ADAM19: variants seen among roughly 807,000 people sequenced by gnomAD.
The protein encoded by ADAM19 is disintegrin and metalloproteinase domain-containing protein 19.
Under a neutral mutation model 114.7 loss-of-function variants are expected in ADAM19, and 65 were observed. That is an observed-to-expected ratio of 0.57 (90% CI 0.46 to 0.70). The LOEUF (loss-of-function observed/expected upper bound fraction) is 0.70. Ranked by LOEUF, ADAM19 falls within the 30% of genes least tolerant of loss-of-function variation. The probability of loss-of-function intolerance (pLI) is 0.00; values close to 1 mark genes in which losing one functional copy is unlikely to be tolerated. For synonymous variants in ADAM19, 466 were observed against 460.5 expected (o/e 1.01, Z -0.15); for missense variants, 1,063 against 1,204.7 (o/e 0.88, Z 1.74).
At chr5:157,560,125 C>T (rs908591958) in intron 3 of ADAM19, among the ~76,000 whole-genome samples, 2 of 151,000 alleles carry the variant, frequency 1.3e-5, no homozygotes, top group Non-Finnish European at 3.0e-5. Flanking sequence ...ATTAGCCGGG[C>T]GTAGTGGCGG....
chr5:157,570,653 G>C, intron 2 of ADAM19: 3 of 433,720 alleles, frequency 6.9e-6, no homozygotes, highest in Non-Finnish European at 1.2e-5. Flanking sequence ...TCTGCACTTA[G>C]CTTGTGTCAG....
In ADAM19 at chr5:157,477,803, T is replaced by C. The variant is rs1754636090; in HGVS notation, c.*3146A>G. On this transcript the variant is annotated 3_prime_UTR_variant, in exon 23 of 23. Coordinates refer to ENST00000257527, the MANE Select transcript of ADAM19 (RefSeq NM_033274.5). ...TCCAATAAAGATTGGAAAGGCGTAT[T>C]GCAGGAGGTGGGGAGGGGCTATTGC... 8 of 1,134,032 alleles carry C rather than the reference T, an allele frequency of 7.1e-6. No individual in the cohort carries two copies. In the Admixed American group the frequency reaches 1.4e-4, roughly 20 times the overall value. The allele number at this position is 1,134,032 out of a possible 1,614,324, so 70.2% of individuals were successfully genotyped here.
intron 14 of ADAM19, 62 bp downstream of exon 14, chr5:157,496,832 C>G (rs749489567): frequency 6.9e-7 from 1 of 1,448,160 alleles, no homozygotes; most frequent in Non-Finnish European, 9.1e-7. Flanking sequence ...CCCTGAGGGC[C>G]AGGGGAGGCT....
intron 8 of ADAM19, among the ~76,000 whole-genome samples, chr5:157,511,516 A>G (rs1755921355): frequency 6.6e-6 from 1 of 152,214 alleles, no homozygotes; most frequent in Non-Finnish European, 1.5e-5. Context: ...CTCCAGATTC[A>G]GTGAAATATC....
At chr5:157,503,957 G>A (rs944974482) in intron 11 of ADAM19, among the ~76,000 whole-genome samples, 2 of 152,216 alleles carry the variant, frequency 1.3e-5, no homozygotes, top group Non-Finnish European at 2.9e-5. Flanking sequence ...TACAAAAGGA[G>A]AGTTATCCTG....
At chr5:157,523,336 G>T (rs1281475522) in intron 5 of ADAM19, among the ~76,000 whole-genome samples, 2 of 152,182 alleles carry the variant, frequency 1.3e-5, no homozygotes, top group Non-Finnish European at 2.9e-5. Flanking sequence ...TGTGGATATG[G>T]TTTATTTGTC....
chr5:157,572,928 T>G (rs1244531857), intron 1 of ADAM19, among the ~76,000 whole-genome samples: 1 of 152,136 alleles, frequency 6.6e-6, no homozygotes, highest in Non-Finnish European at 1.5e-5. Flanking sequence ...CGCATGCCTG[T>G]AATCCCAGCT....
chr5:157,493,014 G>A lies in ADAM19; in HGVS notation c.1867C>T (p.Pro623Ser). 2 of 1,614,202 alleles carry A rather than the reference G, an allele frequency of 1.2e-6. No homozygotes were observed. The highest frequency in any genetic ancestry group is 1.7e-6 in the Non-Finnish European group (2 of 1,180,032). Residue 623 changes from proline (P) to serine (S), a missense_variant, in exon 16 of 23, where the codon CCA becomes TCA. Physicochemically the swap from Pro to Ser is moderately conservative, Grantham distance 74 (BLOSUM62 -1). Transcript: ENST00000257527. ...GPEEEGDMLD[P>S]GLVMTGTKCG... is the part of the protein sequence containing the mutation. ...TTGGTTCCAGTCATCACCAGCCCTG[G>A]GTCCAGCATGTCACCCTCCTCCTCA...
intron 14 of ADAM19, 137 bp downstream of exon 14, chr5:157,496,757 C>A: frequency 1.4e-6 from 1 of 704,434 alleles, no homozygotes; most frequent in Non-Finnish European, 2.2e-6. Context: ...GAACATCTAC[C>A]CTGAGTCAAG....
intron 11 of ADAM19, among the ~76,000 whole-genome samples, chr5:157,504,840 T>A (rs1038790827): frequency 2.7e-5 from 3 of 113,070 alleles, no homozygotes; most frequent in African/African-American, 1.3e-4. Flanking sequence ...ATCCCTCATG[T>A]CCAGCGCGGT....
chr5:157,527,679 A>G (rs1241868340), intron 5 of ADAM19, among the ~76,000 whole-genome samples: 3 of 152,172 alleles, frequency 2.0e-5, no homozygotes, highest in Non-Finnish European at 4.4e-5. Context: ...GAGCCAAACC[A>G]TATCAATTAC....
intron 2 of ADAM19, chr5:157,568,347 TG>T (rs1757726526): frequency 6.6e-6 from 1 of 152,184 alleles, no homozygotes. Flanking sequence ...GCTCAGGCAC[TG>T]ATATTTAAAA....
At chr5:157,549,063 G>A (rs1403931920) in intron 3 of ADAM19, among the ~76,000 whole-genome samples, 1 of 152,104 alleles carries the variant, frequency 6.6e-6, no homozygotes, top group East Asian at 1.9e-4. Flanking sequence ...CATCCACCAA[G>A]TACACCTCCA....
chr5:157,490,617 G>A (rs1361184050), intron 18 of ADAM19, among the ~76,000 whole-genome samples, 163 bp from the exon 19 acceptor site: 1 of 152,116 alleles, frequency 6.6e-6, no homozygotes, highest in Admixed American at 6.5e-5. Context: ...TTATGGGCCG[G>A]GCACAGTGGC....
chr5:157,528,743 C>T (rs573012613), intron 5 of ADAM19, among the ~76,000 whole-genome samples: 4 of 152,196 alleles, frequency 2.6e-5, no homozygotes, highest in East Asian at 3.9e-4. Context: ...ATGGTTTCAC[C>T]GACGTAAGAG....
chr5:157,506,343 G>A (rs1755742391), intron 10 of ADAM19, among the ~76,000 whole-genome samples: 1 of 152,182 alleles, frequency 6.6e-6, no homozygotes, highest in Non-Finnish European at 1.5e-5. Context: ...TACTAAACAT[G>A]GAAGTGTGTT....
At chr5:157,551,453 A>G (rs572555583) in intron 3 of ADAM19, among the ~76,000 whole-genome samples, 86 of 150,316 alleles carry the variant, frequency 5.7e-4, no homozygotes, top group African/African-American at 2.1e-3. Flanking sequence ...CTAAGACCTC[A>G]AACCATTTAA....
chr5:157,512,308 G>A (rs1755947556), intron 8 of ADAM19, among the ~76,000 whole-genome samples: 1 of 152,150 alleles, frequency 6.6e-6, no homozygotes, highest in Non-Finnish European at 1.5e-5. Flanking sequence ...TAATACATTT[G>A]CCTATTAATC....
At chr5:157,507,171 G>T (rs1258053741) in intron 9 of ADAM19, 31 bp from the exon 10 acceptor site, 2 of 1,605,672 alleles carry the variant, frequency 1.2e-6, no homozygotes, top group Non-Finnish European at 1.7e-6. Flanking sequence ...CGGTGACCGG[G>T]GACGAGACTA....
Sources: allele counts gnomAD v4.1 joint callset (sites outside exome capture counted in the v4.1 genomes callset), GRCh38; gene constraint gnomAD v4.1.1; transcripts MANE v1.5; gene names NCBI Gene and HGNC (gene_info 2026-07-23, HGNC 2026-07-21).